LRP5: variants seen among roughly 807,000 people sequenced by gnomAD.
LRP5 encodes the protein LDL receptor related protein 5.
LRP5 carries 62 observed loss-of-function variants against 154.1 expected under a neutral mutation model. The ratio of observed to expected loss-of-function variants is 0.40; its 90% CI spans 0.33 to 0.50. The LOEUF (loss-of-function observed/expected upper bound fraction) is 0.50. Among genes scored for constraint, LRP5 ranks in the 20% least tolerant of loss-of-function variants. The pLI, the probability that LRP5 is intolerant of heterozygous loss-of-function variation, is 0.55. For synonymous variants in LRP5, 966 were observed against 1,011.5 expected, an observed-to-expected ratio of 0.96 and a Z score of 0.85; for missense variants, 1,915 against 2,336.7, an observed-to-expected ratio of 0.82 and a Z score of 3.72.
intron 1 of LRP5, among the ~76,000 whole-genome samples, chr11:68,328,036 G>T (rs191570797): frequency 5.9e-5 from 9 of 152,318 alleles, no homozygotes; most frequent in Admixed American, 5.9e-4. Flanking sequence ...ACTAAGAAAT[G>T]CCAGTTCCTC....
chr11:68,416,765 T>A (rs1432663830), intron 13 of LRP5, among the ~76,000 whole-genome samples: 9 of 152,120 alleles, frequency 5.9e-5, no homozygotes, highest in Non-Finnish European at 5.9e-5. Flanking sequence ...CATGGTGGGG[T>A]CAGACCCCAC....
intron 1 of LRP5, among the ~76,000 whole-genome samples, chr11:68,323,437 A>C (rs1026883221): frequency 6.6e-5 from 10 of 150,506 alleles, no homozygotes; most frequent in African/African-American, 2.5e-4. Context: ...TTTGAGATAG[A>C]GTCTGACTCT....
intron 5 of LRP5, among the ~76,000 whole-genome samples, chr11:68,368,699 T>C (rs1172783574): frequency 6.6e-6 from 1 of 152,136 alleles, no homozygotes; most frequent in African/African-American, 2.4e-5. Flanking sequence ...CAGCCCTCCC[T>C]GCGTTTTTCC....
chr11:68,375,138 G>A (rs1197462859), intron 5 of LRP5, among the ~76,000 whole-genome samples: 2 of 152,248 alleles, frequency 1.3e-5, no homozygotes, highest in Non-Finnish European at 2.9e-5. Context: ...ACCCTTGTGC[G>A]GCTGCGGGCA....
At chr11:68,345,489 G>A (rs938272546) in intron 1 of LRP5, among the ~76,000 whole-genome samples, 1 of 147,410 alleles carries the variant, frequency 6.8e-6, no homozygotes, top group African/African-American at 2.5e-5. Context: ...GTTTCACCAT[G>A]TTGGCCAGGC....
At chr11:68,322,657 T>C (rs1280694539) in intron 1 of LRP5, among the ~76,000 whole-genome samples, 1 of 152,276 alleles carries the variant, frequency 6.6e-6, no homozygotes, top group Non-Finnish European at 1.5e-5. Flanking sequence ...TCTAGTGTGA[T>C]GTCTGGTAGA....
chr11:68,444,520 C>G (rs1327022038), intron 21 of LRP5, among the ~76,000 whole-genome samples: 1 of 151,452 alleles, frequency 6.6e-6, no homozygotes, highest in Non-Finnish European at 1.5e-5. Context: ...TCAGTCAAAA[C>G]AACAACAACG....
At chr11:68,445,261 G>A (rs976130774) in intron 21 of LRP5, among the ~76,000 whole-genome samples, 3 of 151,930 alleles carry the variant, frequency 2.0e-5, no homozygotes, top group Non-Finnish European at 2.9e-5. Context: ...CACCACACCC[G>A]GCTAATTTTC....
At chr11:68,311,544 G>A (rs951072214), upstream of LRP5, among the ~76,000 whole-genome samples, 2 of 152,218 alleles carry the variant, frequency 1.3e-5, no homozygotes, top group African/African-American at 4.8e-5. Flanking sequence ...TGGGGCTTTT[G>A]TTGTTTTAAT....
intron 9 of LRP5, among the ~76,000 whole-genome samples, chr11:68,409,277 A>G (rs1460676405): frequency 1.4e-5 from 2 of 141,600 alleles, no homozygotes; most frequent in East Asian, 3.9e-4. Context: ...ATAAAAATAT[A>G]TATTTATAAA....
At chr11:68,389,601 G>A (rs1317965535) in intron 6 of LRP5, among the ~76,000 whole-genome samples, 1 of 150,974 alleles carries the variant, frequency 6.6e-6, no homozygotes, top group African/African-American at 2.4e-5. Context: ...GACATTTACC[G>A]ACACCGACAT....
At position 68,446,658 on chromosome 11, in the gene LRP5, A is replaced by G. The variant is rs371904914; in HGVS notation, c.4586+125A>G. 154 of 841,730 alleles carry G rather than the reference A, an allele frequency of 1.8e-4. 1 individual carries two copies. In the East Asian group the frequency reaches 2.4e-3, roughly 13 times the overall value. The allele number at this position is 841,730 out of a possible 1,614,324, so 52.1% of individuals were successfully genotyped here. A position where few individuals can be genotyped will look rare whatever the true frequency, so the allele number is the denominator to read the frequency against. ...GTGCTAGTGGGCAGGTGCCGGGCCC[A>G]GCCCTGCCTCCCTCTGCTCTGCCAA... is the stretch of plus-strand genomic sequence containing the variant. On this transcript the variant is annotated intron_variant, in intron 22 of 22. Coordinates refer to ENST00000294304, the MANE Select transcript of LRP5 (RefSeq NM_002335.4).
chr11:68,428,243 C>T (rs1264134794), intron 16 of LRP5, among the ~76,000 whole-genome samples: 1 of 152,060 alleles, frequency 6.6e-6, no homozygotes, highest in Non-Finnish European at 1.5e-5. Context: ...GATCCACGCA[C>T]CTCGGCCTCC....
At chr11:68,303,321 T>C in the LRP5 span, among the ~76,000 whole-genome samples, 5 of 151,882 alleles carry the variant, frequency 3.3e-5, no homozygotes, top group Non-Finnish European at 4.4e-5. Context: ...AAGGCCAGGG[T>C]GATGAGTCTC....
In LRP5 at chr11:68,430,654, G is replaced by A. The variant is rs78497305; in HGVS notation, c.3763+954G>A. Among the ~76,000 whole-genome samples, 5 of 152,300 alleles carry A rather than the reference G, an allele frequency of 3.3e-5. No homozygotes were observed. In the East Asian group the frequency reaches 9.7e-4, roughly 29 times the overall value. On this transcript the variant is annotated intron_variant, in intron 17 of 22. Transcript: ENST00000294304. ...CCTTCCTTCCTGACTGCCTGCTTGA[G>A]CTGTCAGTTATTGACAGGGGTGTGG...
intron 1 of LRP5, among the ~76,000 whole-genome samples, chr11:68,336,519 A>T (rs2153122830): frequency 6.6e-6 from 1 of 152,068 alleles, no homozygotes; most frequent in Non-Finnish European, 1.5e-5. Context: ...CCCAGGCTGG[A>T]GTGCAATGGT....
chr11:68,406,427 G>A (rs539428777), intron 8 of LRP5, 97 bp from the exon 9 acceptor site: 14 of 1,327,898 alleles, frequency 1.1e-5, no homozygotes, highest in Admixed American at 3.4e-5. Flanking sequence ...CCCCTGAGCT[G>A]TGTGGCTCAC....
At chr11:68,391,326 A>G (rs541968438) in intron 7 of LRP5, among the ~76,000 whole-genome samples, 1 of 152,128 alleles carries the variant, frequency 6.6e-6, no homozygotes, top group Non-Finnish European at 1.5e-5. Flanking sequence ...ATGTGTCCCC[A>G]TCGCACCATC....
intron 5 of LRP5, among the ~76,000 whole-genome samples, chr11:68,376,521 C>G (rs368596524): frequency 6.6e-6 from 1 of 152,120 alleles, no homozygotes; most frequent in Non-Finnish European, 1.5e-5. Flanking sequence ...CACACGGTGC[C>G]GAGAGCTCGC....
Sources: allele counts gnomAD v4.1 joint callset (sites outside exome capture counted in the v4.1 genomes callset), GRCh38; gene constraint gnomAD v4.1.1; transcripts MANE v1.5; gene names NCBI Gene and HGNC (gene_info 2026-07-23, HGNC 2026-07-21).